The following POU2F2 variants were observed in gnomAD, a reference collection of about 807,000 sequenced individuals.
POU2F2 encodes the protein POU domain, class 2, transcription factor 2.
POU2F2 carries 14 observed loss-of-function variants against 63.5 expected under a neutral mutation model. The observed-to-expected ratio is 0.22, with a 90% CI of 0.15 to 0.34. POU2F2 has a LOEUF of 0.34. POU2F2 is among the 10% of genes least tolerant of loss of function. The pLI, the probability that POU2F2 is intolerant of heterozygous loss-of-function variation, is 1.00. For synonymous variants in POU2F2, 306 were observed against 348.6 expected (o/e 0.88, Z 1.36); for missense variants, 607 against 815.2 (o/e 0.74, Z 3.11).
At chr19:42,110,632 T>C (rs2146496438) in intron 5 of POU2F2, 1 of 433,266 alleles carries the variant, frequency 2.3e-6, no homozygotes, top group African/African-American at 2.0e-5. Flanking sequence ...TGCAAGTTGT[T>C]ATGGAGAGAC....
chr19:42,182,347 T>C (rs923479782), intron 1 of POU2F2, among the ~76,000 whole-genome samples: 1 of 144,834 alleles, frequency 6.9e-6, no homozygotes, highest in Non-Finnish European at 1.5e-5. Flanking sequence ...CAGAGGGAGA[T>C]GTGGTGCGGG....
upstream of POU2F2, among the ~76,000 whole-genome samples, chr19:42,179,872 C>A (rs139162480): frequency 1.8e-3 from 269 of 152,268 alleles, 1 homozygote; most frequent in African/African-American, 6.2e-3. Context: ...CTCCTGGGAC[C>A]CGCACTGTGT....
In POU2F2 at chr19:42,096,313, G is replaced by A; in HGVS notation, c.568-70C>T. Reference sequence around the variant, plus strand: ...GATGGGGCTCAGCGATGGGTGCACAGTCCCCCTCCCGCCCTCTTCGCCCCT... The same window carrying A: ...GATGGGGCTCAGCGATGGGTGCACAATCCCCCTCCCGCCCTCTTCGCCCCT... On this transcript the variant is annotated intron_variant, in intron 7 of 14. Transcript: ENST00000692977. The surrounding 1 kb of genome is among the most constrained non-coding windows in gnomAD (Gnocchi z 4.1). 7.1e-7 allele frequency: 1 copy of A among 1,413,132 alleles called. No individual in the cohort carries two copies. The highest frequency in any genetic ancestry group is 9.4e-7 in the Non-Finnish European group (1 of 1,062,144). 87.5% of individuals were successfully genotyped at this position (1,413,132 alleles called of 1,614,324 possible). A position where few individuals can be genotyped will look rare whatever the true frequency, so the allele number is the denominator to read the frequency against.
intron 2 of POU2F2, among the ~76,000 whole-genome samples, chr19:42,147,532 T>G (rs2034256079): frequency 6.6e-6 from 1 of 152,216 alleles, no homozygotes; most frequent in African/African-American, 2.4e-5. Context: ...ACCATGCTGG[T>G]TCTGCTGCCT....
chr19:42,111,324 C>T (rs2031057075), intron 5 of POU2F2, among the ~76,000 whole-genome samples: 1 of 151,876 alleles, frequency 6.6e-6, no homozygotes, highest in African/African-American at 2.4e-5. Flanking sequence ...TCTATGTTGC[C>T]CAGGCTAGTC....
intron 7 of POU2F2, chr19:42,099,316 A>G (rs2077039357): frequency 1.8e-6 from 1 of 569,348 alleles, no homozygotes; most frequent in Non-Finnish European, 3.2e-6. Flanking sequence ...GTTAAGAACC[A>G]CTTGTCTGGG....
At chr19:42,121,091 G>A (rs1447031305) in intron 4 of POU2F2, among the ~76,000 whole-genome samples, 1 of 152,156 alleles carries the variant, frequency 6.6e-6, no homozygotes, top group African/African-American at 2.4e-5. Context: ...CCCAAAAGAA[G>A]GAAGCCTGCT....
intron 5 of POU2F2, among the ~76,000 whole-genome samples, chr19:42,103,777 C>T (rs537073187): frequency 2.0e-5 from 3 of 151,974 alleles, no homozygotes; most frequent in East Asian, 3.9e-4. Flanking sequence ...GGACTACAGG[C>T]GCCCGCCACC....
intron 1 of POU2F2, among the ~76,000 whole-genome samples, chr19:42,161,728 C>G (rs1351942106): frequency 6.6e-6 from 1 of 152,116 alleles, no homozygotes; most frequent in East Asian, 1.9e-4. Flanking sequence ...CTCCATCTGT[C>G]CTGTCTCTCC....
intron 5 of POU2F2, among the ~76,000 whole-genome samples, chr19:42,101,208 C>A (rs1174279798): frequency 1.3e-5 from 2 of 152,138 alleles, no homozygotes; most frequent in Non-Finnish European, 2.9e-5. Context: ...TAAATTAGTA[C>A]AACCACTCCG....
Position 42,091,407 on chromosome 19 carries a change from C to T in POU2F2, c.1725G>A (p.Ala575=), listed in dbSNP as rs1187612817. ...PGVGLVSAAA[A]AVAASISSKS... is the part of the protein sequence containing the mutation. ...TGCTGGAGATGGAGGCTGCCACAGC[C>T]GCAGCCGCTGCTGAGACCAGGCCCA... The change falls in exon 15 of 15, where the codon GCG becomes GCA. Residue 575 remains alanine (A), a synonymous_variant. Coordinates refer to ENST00000692977, the MANE Select transcript of POU2F2 (RefSeq NM_001394376.1). The T allele has an allele frequency of 1.2e-5, 19 of 1,547,104 alleles. No homozygotes were observed. Among genetic ancestry groups the T allele is most frequent in the Non-Finnish European group, 1.5e-5 (17 of 1,146,904 alleles).
chr19:42,097,377 A>G (rs919637770), intron 7 of POU2F2, among the ~76,000 whole-genome samples: 2 of 151,788 alleles, frequency 1.3e-5, no homozygotes, highest in African/African-American at 4.8e-5. Flanking sequence ...TTGTATTTTT[A>G]GTAGAGATGG....
upstream of POU2F2, among the ~76,000 whole-genome samples, chr19:42,137,439 G>A (rs1343856427): frequency 1.3e-5 from 2 of 151,848 alleles, no homozygotes; most frequent in Non-Finnish European, 2.9e-5. Context: ...GGTAGAGGAG[G>A]GGCTGGGCAT....
intron 2 of POU2F2, among the ~76,000 whole-genome samples, chr19:42,159,347 T>G (rs2034512497): frequency 6.6e-6 from 1 of 152,076 alleles, no homozygotes; most frequent in Non-Finnish European, 1.5e-5. Flanking sequence ...CAATGCTGGG[T>G]TGCAAACCCT....
exon 2 of POU2F2, chr19:42,160,336 T>G (rs1402903153): frequency 1.3e-5 from 2 of 152,216 alleles, no homozygotes; most frequent in Non-Finnish European, 2.9e-5. Flanking sequence ...CCTTACCTCT[T>G]GGGCAGACGC....
At position 42,090,049 on chromosome 19, in the gene POU2F2, A is replaced by C. The variant is rs1359215702; in HGVS notation, c.*1208T>G. On this transcript the variant is annotated 3_prime_UTR_variant, in exon 15 of 15. Transcript: ENST00000692977. The surrounding 1 kb of genome is among the most constrained non-coding windows in gnomAD (Gnocchi z 4.4). ...GGATGCCATCTCGAGGAACCCCACC[A>C]CTGGGGTGTGTGCGTGCGTGCATGT... The C allele has an allele frequency of 1.3e-5, 2 of 152,518 alleles. No homozygotes were observed. The highest frequency in any genetic ancestry group is 4.8e-5 in the African/African-American group (2 of 41,376). The allele number at this position is 152,518 out of a possible 1,614,324, so 9.4% of individuals were successfully genotyped here.
upstream of POU2F2, chr19:42,177,357 C>T (rs938277767): frequency 6.5e-6 from 1 of 152,694 alleles, no homozygotes; most frequent in Non-Finnish European, 1.5e-5. Context: ...CGCGCGCCAT[C>T]CCCGGCTCCC....
chr19:42,157,855 G>A (rs1455237012), intron 2 of POU2F2, among the ~76,000 whole-genome samples: 2 of 152,110 alleles, frequency 1.3e-5, no homozygotes, highest in African/African-American at 2.4e-5. Flanking sequence ...TGGAGGAAGG[G>A]CCAGAAGGGA....
intron 5 of POU2F2, among the ~76,000 whole-genome samples, chr19:42,101,839 T>C (rs2077153260): frequency 6.6e-6 from 1 of 152,066 alleles, no homozygotes; most frequent in Middle Eastern, 3.2e-3. Context: ...TAGCTGGGCA[T>C]GGTGGTGGGT....
Sources: allele counts gnomAD v4.1 joint callset (sites outside exome capture counted in the v4.1 genomes callset), GRCh38; gene constraint gnomAD v4.1.1; non-coding constraint Gnocchi (gnomAD v3.1); transcripts MANE v1.5; gene names NCBI Gene and HGNC (gene_info 2026-07-23, HGNC 2026-07-21).